Variants in FCHO1 observed in about 807,000 individuals in gnomAD.
FCHO1 encodes F-BAR domain only protein 1.
In FCHO1, 45 loss-of-function variants were observed where a neutral mutation model predicts 114.4. That is an observed-to-expected ratio of 0.39 (90% CI 0.31 to 0.50). The LOEUF (loss-of-function observed/expected upper bound fraction) is 0.50. FCHO1 is among the 20% of genes least tolerant of loss of function. The pLI, the probability that FCHO1 is intolerant of heterozygous loss-of-function variation, is 0.77. For missense variants in FCHO1, 1,042 were observed against 1,209.6 expected, an observed-to-expected ratio of 0.86 and a Z score of 2.06; for synonymous variants, 480 against 488.9, an observed-to-expected ratio of 0.98 and a Z score of 0.24.
chr19:17,772,692 GCT>G lies in FCHO1; in HGVS notation c.742_743del (p.Leu248ThrfsTer8). The G allele has an allele frequency of 1.9e-6, 3 of 1,614,162 alleles. No individual in the cohort carries two copies. The highest frequency in any genetic ancestry group is 2.5e-6 in the Non-Finnish European group (3 of 1,180,032). ...ACATCGAGAACGTCAGCGTGGAGAT[GCT>G]ACTCAGGAAGTTTGCAGAGAGTAAG... ...QNIENVSVEM[L>X]LRKFAESKGT... On this transcript the variant is annotated frameshift_variant, in exon 11 of 29. Transcript: ENST00000596536. LOFTEE classifies it high-confidence loss of function.
At chr19:17,752,020 G>A (rs1277171363) in intron 1 of FCHO1, among the ~76,000 whole-genome samples, 2 of 152,334 alleles carry the variant, frequency 1.3e-5, no homozygotes, top group African/African-American at 4.8e-5. Context: ...TGCTCCATGT[G>A]TATCTGTCTG....
At position 17,781,350 on chromosome 19, in the gene FCHO1, G is replaced by GA. The variant is rs573448775; in HGVS notation, c.1740+8dup. Reference sequence around the variant, plus strand: ...ACGTAGCAATGGGGACCTGGTAGGTGAGGGGGCGTGGCAGGAGCTGGACTG... The same window carrying GA: ...ACGTAGCAATGGGGACCTGGTAGGTGAAGGGGGCGTGGCAGGAGCTGGACTG... On this transcript the variant is annotated splice_region_variant and intron_variant, in intron 21 of 28. Transcript: ENST00000596536. 3.0e-4 allele frequency: 484 copies of GA among 1,612,726 alleles called. 1 individual carries two copies. In the African/African-American group the frequency reaches 5.5e-3, roughly 18 times the overall value.
chr19:17,769,618 CACACACACACACACAA>C (rs1234751516), intron 7 of FCHO1, among the ~76,000 whole-genome samples: 2 of 119,386 alleles, frequency 1.7e-5, no homozygotes, highest in Admixed American at 8.0e-5. Context: ...CACACACACA[CACACACACACACACAA>C]AACGGTGAGT....
chr19:17,774,825 G>A, intron 13 of FCHO1: 1 of 586,258 alleles, frequency 1.7e-6, no homozygotes, highest in Non-Finnish European at 3.0e-6. Flanking sequence ...CTTCAAATGA[G>A]TTCCAGGATT....
rs182198090 is a variant in FCHO1 at position 17,784,336 on chromosome 19, G to T, written c.2226+101G>T. On this transcript the variant is annotated intron_variant, in intron 25 of 28. Transcript: ENST00000596536. This position sits in a 1 kb window ranked among gnomAD's most constrained non-coding sequence, Gnocchi z 5.3. Reference sequence around the variant, plus strand: ...CCTGCGTGTTGGCCAGGCTGGTCTCGAATTCCTGACCTCAAGAGATCCAAT... The same window carrying T: ...CCTGCGTGTTGGCCAGGCTGGTCTCTAATTCCTGACCTCAAGAGATCCAAT... 7.1e-7 allele frequency: 1 copy of T among 1,417,308 alleles called. No homozygotes were observed. The highest frequency in any genetic ancestry group is 9.5e-7 in the Non-Finnish European group (1 of 1,050,260). 87.8% of individuals were successfully genotyped at this position (1,417,308 alleles called of 1,614,324 possible).
At chr19:17,771,491 A>AC (rs1470880030) in intron 9 of FCHO1, among the ~76,000 whole-genome samples, 3 of 150,464 alleles carry the variant, frequency 2.0e-5, no homozygotes, top group Admixed American at 6.7e-5. Flanking sequence ...ACACGGTGAA[A>AC]CCCCCTCTCT....
At chr19:17,774,920 A>C (rs1599709705) in intron 13 of FCHO1, 136 bp from the exon 14 acceptor site, 1 of 936,060 alleles carries the variant, frequency 1.1e-6, no homozygotes, top group Non-Finnish European at 1.7e-6. Flanking sequence ...CCATGGTCCC[A>C]CCGCCTCTAG....
Position 17,776,763 on chromosome 19 carries a change from T to C in FCHO1, c.1259+77T>C. ...ACCTCCCCATGTCTCCGCCTGGTGT[T>C]CTCTTGTCCCGGCTGGGAGTTGACG... On this transcript the variant is annotated intron_variant, in intron 18 of 28. Transcript: ENST00000596536. The surrounding 1 kb of genome is among the most constrained non-coding windows in gnomAD (Gnocchi z 4.4). 7.3e-7 allele frequency: 1 copy of C among 1,367,896 alleles called. No homozygotes were observed. Among genetic ancestry groups the C allele is most frequent in the Non-Finnish European group, 1.0e-6 (1 of 972,950 alleles). The allele number at this position is 1,367,896 out of a possible 1,614,324, so 84.7% of individuals were successfully genotyped here. A position where few individuals can be genotyped will look rare whatever the true frequency, so the allele number is the denominator to read the frequency against.
At chr19:17,753,286 G>A (rs1457677259) in intron 1 of FCHO1, among the ~76,000 whole-genome samples, 1 of 152,220 alleles carries the variant, frequency 6.6e-6, no homozygotes, top group Non-Finnish European at 1.5e-5. Flanking sequence ...TTTCCTAAGG[G>A]GGTGTGGTGG....
intron 3 of FCHO1, 59 bp from the exon 4 acceptor site, chr19:17,755,058 TC>T (rs1568314152): frequency 5.7e-6 from 6 of 1,051,480 alleles, no homozygotes; most frequent in African/African-American, 1.6e-5. Flanking sequence ...GGAGGGACTT[TC>T]CCCCCACCAA....
At position 17,773,899 on chromosome 19, in the gene FCHO1, CTCTCTT is replaced by C. The variant is rs1271436824; in HGVS notation, c.791-338_791-333del. ...CAATTTAGTTTCTTTCTCTCTCTCT[CTCTCTT>C]TTTTTTTTTTTTTTAATTTTTTTGA... is the stretch of plus-strand genomic sequence containing the variant. On this transcript the variant is annotated intron_variant, in intron 11 of 28. Coordinates refer to ENST00000596536, the MANE Select transcript of FCHO1 (RefSeq NM_015122.3). Among the ~76,000 whole-genome samples, 25 of 63,080 alleles carry C rather than the reference CTCTCTT, an allele frequency of 4.0e-4. No individual in the cohort carries two copies. The South Asian group carries it at 4.3e-3, about 11-fold the overall frequency. The allele number at this position is 63,080 out of a possible 152,430, so 41.4% of individuals were successfully genotyped here. A position where few individuals can be genotyped will look rare whatever the true frequency, so the allele number is the denominator to read the frequency against.
chr19:17,773,224 A>G (rs982529316), intron 11 of FCHO1, among the ~76,000 whole-genome samples: 1 of 152,196 alleles, frequency 6.6e-6, no homozygotes, highest in Admixed American at 6.5e-5. Context: ...TCTTTTCTTC[A>G]TCGCTTGCTG....
chr19:17,766,643 C>T (rs1412662433), intron 6 of FCHO1, 26 bp from the exon 7 acceptor site: 1 of 1,613,490 alleles, frequency 6.2e-7, no homozygotes, highest in Admixed American at 1.7e-5. Context: ...CTGATGAACC[C>T]TGGGTGTGAC....
chr19:17,755,386 G>T, intron 4 of FCHO1, 195 bp downstream of exon 4: 1 of 561,300 alleles, frequency 1.8e-6, no homozygotes, highest in African/African-American at 1.9e-5. Context: ...TTACAACCTT[G>T]GGCAAGTCAT....
chr19:17,769,440 C>T (rs940865546), intron 7 of FCHO1, among the ~76,000 whole-genome samples: 6 of 150,604 alleles, frequency 4.0e-5, no homozygotes, highest in Non-Finnish European at 5.9e-5. Flanking sequence ...ATTAGCCGGG[C>T]GTGGTGGCGG....
At chr19:17,772,171 C>G (rs1467688007) in intron 9 of FCHO1, among the ~76,000 whole-genome samples, 1 of 125,640 alleles carries the variant, frequency 8.0e-6, no homozygotes, top group Admixed American at 9.0e-5. Context: ...CACAGACATC[C>G]CCTTGTGTGT....
rs771940414 is a variant in FCHO1, at chr19:17,784,903, G to C, written c.2405G>C (p.Arg802Pro). Reference protein sequence around the residue: ...LPVGEPVTNVRLQPAATWNLE... With the variant: ...LPVGEPVTNVPLQPAATWNLE... Reference sequence around the variant, plus strand: ...GTGGGGGAGCCTGTGACCAACGTCCGCTTGCAGCCGGCTGCCACCTGGTGA... The same window carrying C: ...GTGGGGGAGCCTGTGACCAACGTCCCCTTGCAGCCGGCTGCCACCTGGTGA... The change falls in exon 26 of 29, where the codon CGC (arginine) becomes CCC (proline). Residue 802 changes from arginine to proline, a missense_variant. Coordinates refer to ENST00000596536, the MANE Select transcript of FCHO1 (RefSeq NM_015122.3). The surrounding 1 kb of genome is among the most constrained non-coding windows in gnomAD (Gnocchi z 5.3). The C allele has an allele frequency of 1.2e-6, 2 of 1,612,002 alleles. No individual in the cohort carries two copies. The highest frequency in any genetic ancestry group is 1.7e-5 in the Admixed American group (1 of 60,002).
intron 7 of FCHO1, among the ~76,000 whole-genome samples, chr19:17,768,159 C>T (rs1025020057): frequency 6.6e-6 from 1 of 152,256 alleles, no homozygotes; most frequent in East Asian, 1.9e-4. Context: ...ATCTCCATCT[C>T]TTGGGTTCAA....
rs1298576287 is a variant in FCHO1 at position 17,753,074 on chromosome 19, CCT to C, written c.-182-1242_-182-1241del. Among the ~76,000 whole-genome samples, 3 of 151,974 alleles carry C rather than the reference CCT, an allele frequency of 2.0e-5. No homozygotes were observed. In the East Asian group the frequency reaches 5.8e-4, roughly 29 times the overall value. On this transcript the variant is annotated intron_variant, in intron 1 of 28. Coordinates refer to ENST00000596536, the MANE Select transcript of FCHO1 (RefSeq NM_015122.3). ...TCCAGCCTGGGCAACAGAGCGAGAC[CCT>C]GTCTCCAAAAAAAAAAAAAATTAAG...
Sources: allele counts gnomAD v4.1 joint callset (sites outside exome capture counted in the v4.1 genomes callset), GRCh38; gene constraint gnomAD v4.1.1; non-coding constraint Gnocchi (gnomAD v3.1); transcripts MANE v1.5; gene names NCBI Gene and HGNC (gene_info 2026-07-23, HGNC 2026-07-21).